The following DMD variants were observed in gnomAD, a reference collection of about 807,000 sequenced individuals.
The protein encoded by DMD is dystrophin, also known as mutant dystrophin.
A neutral mutation model predicts 330.1 loss-of-function variants in DMD; 63 were observed. That is an observed-to-expected ratio of 0.19 (90% CI 0.16 to 0.24). The LOEUF (loss-of-function observed/expected upper bound fraction) is 0.24. Among genes scored for constraint, DMD ranks in the 10% least tolerant of loss-of-function variants. The pLI, the probability that DMD is intolerant of heterozygous loss-of-function variation, is 1.00. For synonymous variants in DMD, 1,223 were observed against 959.8 expected (o/e 1.27, Z -5.07); for missense variants, 3,344 against 2,684.1 (o/e 1.25, Z -5.43).
At chrX:32,773,366 G>C (rs2073824351) in intron 7 of DMD, among the ~76,000 whole-genome samples, 1 of 110,838 alleles carries the variant, frequency 9.0e-6, no homozygotes, top group Non-Finnish European at 1.9e-5. Context: ...AGGGAAATTA[G>C]GGCATCCATC....
At chrX:32,601,560 A>T (rs2056211950) in intron 12 of DMD, among the ~76,000 whole-genome samples, 1 of 111,823 alleles carries the variant, frequency 8.9e-6, no homozygotes, top group African/African-American at 3.2e-5. Flanking sequence ...TAAAGTAGAC[A>T]ATTAATGTAC....
Position 32,649,976 on chromosome X carries a change from G to A in DMD, c.961-4824C>T, listed in dbSNP as rs768947482. On this transcript the variant is annotated intron_variant, in intron 9 of 78. Coordinates refer to ENST00000357033, the MANE Select transcript of DMD (RefSeq NM_004006.3). ...CCAAGAAATGCTCTGCAATGCCTGT[G>A]TTTGGGGGCCAAAGTTCATTGAAAT... Among the ~76,000 whole-genome samples, 4 of 111,348 alleles carry A rather than the reference G, an allele frequency of 3.6e-5. No individual in the cohort carries two copies. In the South Asian group the frequency reaches 1.5e-3, roughly 42 times the overall value.
intron 60 of DMD, among the ~76,000 whole-genome samples, chrX:31,376,812 G>A (rs773549700): frequency 1.8e-5 from 2 of 111,943 alleles, no homozygotes; most frequent in Non-Finnish European, 3.8e-5. Context: ...AGTGAGGGTG[G>A]ATGAGGGCCA....
At chrX:32,663,672 C>G (rs1475428384) in intron 9 of DMD, among the ~76,000 whole-genome samples, 1 of 111,564 alleles carries the variant, frequency 9.0e-6, no homozygotes. Context: ...AGACAGAAAT[C>G]TAAGTTCTCA....
intron 43 of DMD, among the ~76,000 whole-genome samples, chrX:32,234,652 C>A (rs1326397876): frequency 8.9e-6 from 1 of 112,271 alleles, no homozygotes; most frequent in East Asian, 2.8e-4. Flanking sequence ...GATCACATAT[C>A]TTTTCCTTCC....
chrX:31,899,940 C>T (rs947355730), intron 47 of DMD, among the ~76,000 whole-genome samples: 1 of 111,406 alleles, frequency 9.0e-6, no homozygotes, highest in African/African-American at 3.3e-5. Flanking sequence ...AATGAGACTG[C>T]TTCTCTTTTT....
At chrX:31,527,193 AAAGT>A (rs2073310726) in intron 55 of DMD, among the ~76,000 whole-genome samples, 1 of 112,068 alleles carries the variant, frequency 8.9e-6, no homozygotes, top group Non-Finnish European at 1.9e-5. Context: ...ATAAGAATGC[AAAGT>A]AAAAATATTC....
intron 23 of DMD, among the ~76,000 whole-genome samples, chrX:32,467,628 A>G (rs1303921142): frequency 4.1e-5 from 3 of 72,478 alleles, no homozygotes; most frequent in Non-Finnish European, 8.6e-5. Flanking sequence ...ATTCCATTAT[A>G]CACGTATATA....
At chrX:33,108,517 C>T (rs1035868964) in intron 1 of DMD, among the ~76,000 whole-genome samples, 7 of 108,106 alleles carry the variant, frequency 6.5e-5, no homozygotes, top group African/African-American at 1.0e-4. Context: ...CGGACCGCCT[C>T]AGCCTGCCAA....
At chrX:32,838,477 A>G (rs183412370) in intron 4 of DMD, among the ~76,000 whole-genome samples, 33 of 110,808 alleles carry the variant, frequency 3.0e-4, no homozygotes, top group Non-Finnish European at 2.5e-4. Flanking sequence ...GCTACCACTT[A>G]TGAGTCAGAA....
chrX:31,779,786 G>T (rs777938471), intron 50 of DMD, among the ~76,000 whole-genome samples: 1 of 110,715 alleles, frequency 9.0e-6, no homozygotes, highest in Admixed American at 9.6e-5. Context: ...GACATACTAT[G>T]TAGCATAATA....
intron 27 of DMD, among the ~76,000 whole-genome samples, chrX:32,448,106 T>C (rs184680189): frequency 5.7e-4 from 63 of 110,993 alleles, no homozygotes; most frequent in African/African-American, 2.0e-3. Flanking sequence ...ATAAAGATCA[T>C]TGTCTATAAA....
intron 4 of DMD, among the ~76,000 whole-genome samples, chrX:32,839,829 G>C (rs964258691): frequency 2.7e-5 from 3 of 110,407 alleles, no homozygotes; most frequent in African/African-American, 9.9e-5. Context: ...TCCTGCCTCA[G>C]CCTCATGAGT....
chrX:31,497,486 C>T (rs1259122189), intron 56 of DMD, among the ~76,000 whole-genome samples: 1 of 111,266 alleles, frequency 9.0e-6, no homozygotes, highest in East Asian at 2.8e-4. Context: ...TTGTGTGCAC[C>T]TGGGATTTGT....
At chrX:32,150,969 C>T (rs745759336) in intron 44 of DMD, among the ~76,000 whole-genome samples, 1 of 111,166 alleles carries the variant, frequency 9.0e-6, no homozygotes, top group East Asian at 2.8e-4. Context: ...AAGCACATGA[C>T]ACCTAAATGT....
At chrX:31,845,398 TC>T (rs2093404549) in intron 48 of DMD, among the ~76,000 whole-genome samples, 1 of 101,814 alleles carries the variant, frequency 9.8e-6, no homozygotes, top group African/African-American at 3.5e-5. Flanking sequence ...TCTCTCTCTC[TC>T]TCTCTCTCTC....
intron 44 of DMD, among the ~76,000 whole-genome samples, chrX:32,132,881 G>C (rs1032667339): frequency 4.5e-5 from 5 of 110,338 alleles, no homozygotes; most frequent in African/African-American, 1.3e-4. Context: ...AGAAAGTCAG[G>C]ATATAGTAAA....
intron 47 of DMD, among the ~76,000 whole-genome samples, chrX:31,922,101 T>C (rs966800330): frequency 1.8e-5 from 2 of 111,419 alleles, no homozygotes; most frequent in Non-Finnish European, 3.8e-5. Flanking sequence ...GCCTTTCAGA[T>C]TATAGGTCTT....
intron 7 of DMD, among the ~76,000 whole-genome samples, chrX:32,733,235 C>T (rs2067964722): frequency 9.0e-6 from 1 of 111,062 alleles, no homozygotes; most frequent in Admixed American, 9.5e-5. Context: ...TATATGCACC[C>T]AACAAAGGAG....
Sources: gnomAD v4.1 joint callset for allele counts (sites outside exome capture counted in the v4.1 genomes callset) on GRCh38, gnomAD v4.1.1 for gene constraint, MANE v1.5 for transcripts, NCBI Gene and HGNC (gene_info 2026-07-23, HGNC 2026-07-21) for gene names.